The following LZTS3 variants were observed in gnomAD, a reference collection of about 807,000 sequenced individuals.
LZTS3 encodes leucine zipper putative tumor suppressor 3.
A neutral mutation model predicts 50.9 loss-of-function variants in LZTS3; 16 were observed. The observed-to-expected ratio is 0.31, with a 90% CI of 0.21 to 0.48. The LOEUF (loss-of-function observed/expected upper bound fraction) is 0.48. Among genes scored for constraint, LZTS3 ranks in the 20% least tolerant of loss-of-function variants. The pLI is 0.99. For missense variants in LZTS3, 816 were observed against 931.0 expected, an observed-to-expected ratio of 0.88 and a Z score of 1.61; for synonymous variants, 408 against 410.6, an observed-to-expected ratio of 0.99 and a Z score of 0.08.
Position 3,165,408 on chromosome 20 carries a change from A to ACCCCC in LZTS3, c.1323+88_1323+89insGGGGG. On this transcript the variant is annotated intron_variant, in intron 4 of 4. Transcript: ENST00000337576. The surrounding 1 kb of genome is among the most constrained non-coding windows in gnomAD (Gnocchi z 5.0). ...CTCCTTTCATCCCCCCCCCCATCCC[A>ACCCCC]CCGTTATGATAGTGAGGGGCAACTG... 159 of 638,636 alleles carry ACCCCC rather than the reference A, an allele frequency of 2.5e-4. No homozygotes were observed. Among genetic ancestry groups the ACCCCC allele is most frequent in the Middle Eastern group, 5.0e-4 (1 of 2,018 alleles). 39.6% of individuals were successfully genotyped at this position (638,636 alleles called of 1,614,324 possible). A position where few individuals can be genotyped will look rare whatever the true frequency, so the allele number is the denominator to read the frequency against.
Position 3,167,902 on chromosome 20 carries a change from G to A in LZTS3, c.-183C>T, listed in dbSNP as rs1359488879. 1.0e-6 allele frequency: 1 copy of A among 978,406 alleles called. No homozygotes were observed. Among genetic ancestry groups the A allele is most frequent in the African/African-American group, 1.8e-5 (1 of 57,098 alleles). 60.6% of individuals were successfully genotyped at this position (978,406 alleles called of 1,614,324 possible). On this transcript the variant is annotated 5_prime_UTR_variant, in exon 2 of 5. Coordinates refer to ENST00000337576, the MANE Select transcript of LZTS3 (RefSeq NM_001365618.1). ...CACTCTCGCAGTCGGGGCTCGGCCC[G>A]AACCAGCTGCGCGACTTTGGAGGGG...
chr20:3,165,876 G>A lies in LZTS3; in HGVS notation c.944C>T (p.Pro315Leu), dbSNP rs770308297. The change falls in exon 4 of 5, where the codon CCC (proline) becomes CTC (leucine). Residue 315 changes from proline (P) to leucine (L), a missense_variant. Pro to Leu is a moderately conservative substitution (Grantham distance 98). This residue lies in a region of LZTS3 where 700 missense variants were observed against 769.4 expected (regional missense o/e 0.91). Coordinates refer to ENST00000337576, the MANE Select transcript of LZTS3 (RefSeq NM_001365618.1). This position sits in a 1 kb window ranked among gnomAD's most constrained non-coding sequence, Gnocchi z 5.0. ...GGLPFAACSP[P>L]SPSALIQELE... is the part of the protein sequence containing the mutation. Reference sequence around the variant, plus strand: ...CTCCTGGATGAGTGCACTGGGGGAGGGCGGTGAGCAGGCCGCGAAAGGCAG... The same window carrying A: ...CTCCTGGATGAGTGCACTGGGGGAGAGCGGTGAGCAGGCCGCGAAAGGCAG... The A allele has an allele frequency of 7.5e-6, 12 of 1,606,734 alleles. No homozygotes were observed. The highest frequency in any genetic ancestry group is 2.2e-5 in the East Asian group (1 of 44,874).
At chr20:3,170,991 T>C (rs1365466848) in intron 1 of LZTS3, among the ~76,000 whole-genome samples, 2 of 152,050 alleles carry the variant, frequency 1.3e-5, no homozygotes, top group Admixed American at 6.6e-5. Flanking sequence ...CTGAGGGAAG[T>C]TGCCAATAGT....
chr20:3,165,724 C>G lies in LZTS3; in HGVS notation c.1096G>C (p.Glu366Gln), dbSNP rs2066804634. Residue 366 changes from glutamate to glutamine, a missense_variant, in exon 4 of 5, where the codon GAG becomes CAG. This residue lies in a region of LZTS3 where 700 missense variants were observed against 769.4 expected (regional missense o/e 0.91). Transcript: ENST00000337576. The surrounding 1 kb of genome is among the most constrained non-coding windows in gnomAD (Gnocchi z 5.0). ...TTCCCGCTGCAGCCCTGCCGCAGCTCGGCCAGCTCCCGCTCCCACGCCTTC... is the reference window on the plus strand; with the variant it reads ...TTCCCGCTGCAGCCCTGCCGCAGCTGGGCCAGCTCCCGCTCCCACGCCTTC... ...RQKAWERELA[E>Q]LRQGCSGKLQ... 1 of 1,574,394 alleles carries G rather than the reference C, an allele frequency of 6.4e-7. No individual in the cohort carries two copies. The highest frequency in any genetic ancestry group is 8.6e-7 in the Non-Finnish European group (1 of 1,168,048).
At chr20:3,170,350 G>A (rs543539656) in intron 1 of LZTS3, among the ~76,000 whole-genome samples, 2 of 151,896 alleles carry the variant, frequency 1.3e-5, no homozygotes, top group African/African-American at 4.8e-5. Flanking sequence ...AATTAGCTGG[G>A]CGTGGTGGTG....
In LZTS3 at chr20:3,166,347, A is replaced by C. The variant is rs1316166643; in HGVS notation, c.473T>G (p.Leu158Arg). The change falls in exon 4 of 5, where the codon CTA (leucine) becomes CGA (arginine). Residue 158 changes from leucine (L) to arginine (R), a missense_variant. Physicochemically the swap from Leu to Arg is moderately radical, Grantham distance 102. Transcript: ENST00000337576. The stretch of plus-strand genomic sequence containing the variant: ...AGGCTTGAAGGCCGACGGCCGAACT[A>C]GTGGTTCTGAGCACTGCAGGAAACG... Reference protein sequence around the residue: ...SGKLDQCSEPLVRPSAFKPVV... With the variant: ...SGKLDQCSEPRVRPSAFKPVV... 3 of 1,608,674 alleles carry C rather than the reference A, an allele frequency of 1.9e-6. No homozygotes were observed. The Admixed American group carries it at 5.0e-5, about 27-fold the overall frequency.
Position 3,166,763 on chromosome 20 carries a change from T to C in LZTS3, c.401A>G (p.Gln134Arg). The C allele has an allele frequency of 1.2e-6, 2 of 1,613,952 alleles. No individual in the cohort carries two copies. The highest frequency in any genetic ancestry group is 8.5e-7 in the Non-Finnish European group (1 of 1,180,018). ...GGGTGGGTGGCTGGGCTCACGATAC[T>C]GCGGTGGGGCTTTGTCACTGCCACC... ...SSGGSDKAPP[Q>R]YREPSHPPKL... The change falls in exon 3 of 5, where the codon CAG becomes CGG. Residue 134 changes from glutamine to arginine, a missense_variant. This residue lies in a region of LZTS3 where 700 missense variants were observed against 769.4 expected (regional missense o/e 0.91). Coordinates refer to ENST00000337576, the MANE Select transcript of LZTS3 (RefSeq NM_001365618.1).
In LZTS3 at chr20:3,163,053, T is replaced by G. The variant is rs1255089938; in HGVS notation, c.*1401A>C. ...GGCTAGGGGACTTGCTCACAGTAGT[T>G]GCCAGCTCTCTCCACCTTGCCCCCC... On this transcript the variant is annotated 3_prime_UTR_variant, in exon 5 of 5. Coordinates refer to ENST00000337576, the MANE Select transcript of LZTS3 (RefSeq NM_001365618.1). This position sits in a 1 kb window ranked among gnomAD's most constrained non-coding sequence, Gnocchi z 5.2. 2 of 152,742 alleles carry G rather than the reference T, an allele frequency of 1.3e-5. No individual in the cohort carries two copies. Among genetic ancestry groups the G allele is most frequent in the Non-Finnish European group, 2.9e-5 (2 of 68,104 alleles). 9.5% of individuals were successfully genotyped at this position (152,742 alleles called of 1,614,324 possible).
Position 3,164,199 on chromosome 20 carries a change from C to A in LZTS3, c.*255G>T. ...CGAGAAAGGGAGCATGACTCCCCCACCACCTAGGATTGCCCCCACTCACCC... is the reference window on the plus strand; with the variant it reads ...CGAGAAAGGGAGCATGACTCCCCCAACACCTAGGATTGCCCCCACTCACCC... On this transcript the variant is annotated 3_prime_UTR_variant, in exon 5 of 5. Transcript: ENST00000337576. 2.4e-6 allele frequency: 1 copy of A among 418,048 alleles called. No individual in the cohort carries two copies. The highest frequency in any genetic ancestry group is 4.2e-6 in the Non-Finnish European group (1 of 240,362). The allele number at this position is 418,048 out of a possible 1,614,324, so 25.9% of individuals were successfully genotyped here.
Position 3,165,780 on chromosome 20 carries a change from G to A in LZTS3, c.1040C>T (p.Ala347Val), listed in dbSNP as rs199773308. The A allele has an allele frequency of 2.6e-5, 41 of 1,585,588 alleles. No homozygotes were observed. The highest frequency in any genetic ancestry group is 3.1e-5 in the Non-Finnish European group (36 of 1,172,698). ...CTCCTCCAGTACCTGGGCCACAGCC[G>A]CCTCGCTCTGCTCCAGGCTGCGCCG... The part of the protein sequence containing the change: ...ALRRSLEQSE[A>V]AVAQVLEERQ... Residue 347 changes from alanine (A) to valine (V), a missense_variant, in exon 4 of 5, where the codon GCG becomes GTG. Ala to Val is a moderately conservative substitution (Grantham distance 64, BLOSUM62 0). Coordinates refer to ENST00000337576, the MANE Select transcript of LZTS3 (RefSeq NM_001365618.1). This position sits in a 1 kb window ranked among gnomAD's most constrained non-coding sequence, Gnocchi z 5.0.
rs753525156 is a variant in LZTS3 at position 3,166,717 on chromosome 20, G to T, written c.447C>A (p.Gly149=). Residue 149 remains glycine, a synonymous_variant, in exon 3 of 5, where the codon GGC becomes GGA. Transcript: ENST00000337576. ...CCTGCGGACTGACCTGGTCTAGCTTGCCAGAGGTGGCCAGGAGCTTGGGTG... is the reference window on the plus strand; with the variant it reads ...CCTGCGGACTGACCTGGTCTAGCTTTCCAGAGGTGGCCAGGAGCTTGGGTG... ...SHPPKLLATS[G]KLDQCSEPLV... The T allele has an allele frequency of 1.9e-6, 3 of 1,613,506 alleles. No individual in the cohort carries two copies. The highest frequency in any genetic ancestry group is 2.2e-5 in the South Asian group (2 of 91,070).
rs374646410 is a variant in LZTS3, at chr20:3,166,955, C to T, written c.209G>A (p.Gly70Asp). ...GGGGSQGSFP[G>D]PRGSGSGASR... ...GGCCCCACTGCCACTGCCTCGGGGG[C>T]CAGGGAAACTGCCCTGGCTGCCCCC... Residue 70 changes from glycine (G) to aspartate (D), a missense_variant, in exon 3 of 5, where the codon GGC becomes GAC. Transcript: ENST00000337576. 2 of 1,605,388 alleles carry T rather than the reference C, an allele frequency of 1.2e-6. No homozygotes were observed. Among genetic ancestry groups the T allele is most frequent in the Non-Finnish European group, 1.7e-6 (2 of 1,179,404 alleles).
At position 3,166,380 on chromosome 20, in the gene LZTS3, G is replaced by A. The variant is rs774971101; in HGVS notation, c.460-20C>T. The A allele has an allele frequency of 3.2e-6, 5 of 1,578,124 alleles. 1 individual carries two copies. Among genetic ancestry groups the A allele is most frequent in the Middle Eastern group, 3.4e-4 (2 of 5,856 alleles). On this transcript the variant is annotated intron_variant, in intron 3 of 4. Coordinates refer to ENST00000337576, the MANE Select transcript of LZTS3 (RefSeq NM_001365618.1). ...TGAGCACTGCAGGAAACGCAGGAGG[G>A]GGCTGGGGGTCAGGATGAGGCCTTG...
chr20:3,164,304 G>A lies in LZTS3; in HGVS notation c.*150C>T. 13 of 787,098 alleles carry A rather than the reference G, an allele frequency of 1.7e-5. No individual in the cohort carries two copies. The highest frequency in any genetic ancestry group is 2.4e-5 in the Non-Finnish European group (13 of 542,080). The allele number at this position is 787,098 out of a possible 1,614,324, so 48.8% of individuals were successfully genotyped here. ...CAGTGCTGGAGCTAGGAGGGCAGGT[G>A]GGGAGGGAGGAACCTGGTCACAGCT... On this transcript the variant is annotated 3_prime_UTR_variant, in exon 5 of 5. Transcript: ENST00000337576.
chr20:3,163,334 C>T lies in LZTS3; in HGVS notation c.*1120G>A, dbSNP rs2066758587. On this transcript the variant is annotated 3_prime_UTR_variant, in exon 5 of 5. Coordinates refer to ENST00000337576, the MANE Select transcript of LZTS3 (RefSeq NM_001365618.1). This position sits in a 1 kb window ranked among gnomAD's most constrained non-coding sequence, Gnocchi z 5.2. ...AGGAACCTCTCAGGTCAGCCTTGTT[C>T]TTCAAGGGCAATCACATCCAACTCT... The T allele has an allele frequency of 6.5e-6, 1 of 153,120 alleles. No individual in the cohort carries two copies. 9.5% of individuals were successfully genotyped at this position (153,120 alleles called of 1,614,324 possible).
At chr20:3,168,896 A>G (rs2066868692) in intron 1 of LZTS3, among the ~76,000 whole-genome samples, 2 of 152,182 alleles carry the variant, frequency 1.3e-5, no homozygotes, top group African/African-American at 4.8e-5. Context: ...CCTGGCCCAG[A>G]CCAAGGGCAC....
chr20:3,169,355 G>A (rs936735862), intron 1 of LZTS3, among the ~76,000 whole-genome samples: 2 of 152,202 alleles, frequency 1.3e-5, no homozygotes, highest in Non-Finnish European at 2.9e-5. Flanking sequence ...GAGCAGCTGG[G>A]GACTGGGAGG....
intron 1 of LZTS3, among the ~76,000 whole-genome samples, chr20:3,169,621 G>A (rs749115523): frequency 6.6e-6 from 1 of 152,152 alleles, no homozygotes; most frequent in Non-Finnish European, 1.5e-5. Flanking sequence ...GCTCATGCCT[G>A]TAATCCCAGC....
chr20:3,164,266 G>A lies in LZTS3; in HGVS notation c.*188C>T, dbSNP rs1207473345. The stretch of plus-strand genomic sequence containing the variant: ...CCTCCTTTTAGGGGGGTCCAAGTGG[G>A]CTGCCACGGGGGCAGTGCTGGAGCT... On this transcript the variant is annotated 3_prime_UTR_variant, in exon 5 of 5. Transcript: ENST00000337576. 1.8e-5 allele frequency: 10 copies of A among 541,378 alleles called. No homozygotes were observed. Among genetic ancestry groups the A allele is most frequent in the South Asian group, 4.2e-5 (1 of 23,960 alleles). 33.5% of individuals were successfully genotyped at this position (541,378 alleles called of 1,614,324 possible).
Sources: gnomAD v4.1 joint callset for allele counts (sites outside exome capture counted in the v4.1 genomes callset) on GRCh38, gnomAD v4.1.1 for gene constraint, gnomAD v4.1.1 regional missense constraint, Gnocchi (gnomAD v3.1) non-coding constraint, MANE v1.5 for transcripts, NCBI Gene and HGNC (gene_info 2026-07-23, HGNC 2026-07-21) for gene names.